DTWD2: variants seen among roughly 807,000 people sequenced by gnomAD.
DTWD2 encodes the protein tRNA-uridine aminocarboxypropyltransferase 2.
Under a neutral mutation model 31.8 loss-of-function variants are expected in DTWD2, and 39 were observed. That is an observed-to-expected ratio of 1.22 (90% CI 0.95 to 1.60). The LOEUF (loss-of-function observed/expected upper bound fraction) is 1.60. Ranked by LOEUF, DTWD2 falls within the 40% of genes most tolerant of loss-of-function variation. DTWD2 has a pLI of 0.00. For missense variants in DTWD2, 515 were observed against 381.5 expected (o/e 1.35, Z -2.92); for synonymous variants, 180 against 142.8 (o/e 1.26, Z -1.86).
At chr5:118,985,507 TATATATATATAC>T (rs1192544415) in intron 1 of DTWD2, among the ~76,000 whole-genome samples, 3 of 122,354 alleles carry the variant, frequency 2.5e-5, no homozygotes, top group Non-Finnish European at 3.4e-5. Flanking sequence ...TATATATATA[TATATATATATAC>T]ACACACATAT....
At chr5:118,968,246 C>T (rs1322157632) in intron 1 of DTWD2, among the ~76,000 whole-genome samples, 2 of 150,212 alleles carry the variant, frequency 1.3e-5, no homozygotes, top group South Asian at 4.2e-4. Flanking sequence ...CTAGAGAGGA[C>T]TAACAAGACA....
chr5:118,884,867 G>A (rs533499897), intron 4 of DTWD2, among the ~76,000 whole-genome samples: 1 of 151,654 alleles, frequency 6.6e-6, no homozygotes, highest in Non-Finnish European at 1.5e-5. Flanking sequence ...TTAGCCGGGC[G>A]TGGTGGCAGT....
intron 4 of DTWD2, among the ~76,000 whole-genome samples, chr5:118,863,147 C>A (rs1189968712): frequency 6.6e-6 from 1 of 152,052 alleles, no homozygotes; most frequent in Non-Finnish European, 1.5e-5. Flanking sequence ...GTGGACACTG[C>A]GTTACGTTTT....
At chr5:118,890,562 C>CT (rs973397760) in intron 4 of DTWD2, among the ~76,000 whole-genome samples, 16,371 of 71,396 alleles carry the variant, frequency 0.23, 4,566 homozygotes, top group East Asian at 0.27. Context: ...TTAGGTTTTC[C>CT]TTTTTTTTTT....
intron 1 of DTWD2, among the ~76,000 whole-genome samples, chr5:118,951,512 G>T (rs897169263): frequency 1.3e-5 from 2 of 152,166 alleles, no homozygotes; most frequent in Non-Finnish European, 2.9e-5. Flanking sequence ...TTTACGAGAA[G>T]AATTATCTAG....
At chr5:118,915,491 C>T (rs1482542310) in intron 4 of DTWD2, among the ~76,000 whole-genome samples, 2 of 151,852 alleles carry the variant, frequency 1.3e-5, no homozygotes, top group Admixed American at 6.6e-5. Context: ...TCTCCTGCCT[C>T]AGCCTCCCTA....
intron 4 of DTWD2, among the ~76,000 whole-genome samples, chr5:118,875,579 A>G (rs1006489936): frequency 3.3e-5 from 5 of 151,338 alleles, no homozygotes; most frequent in Non-Finnish European, 7.4e-5. Context: ...AAAAAAAAAA[A>G]AAAAAAGACT....
chr5:118,973,546 TAAA>T (rs1755041455), intron 1 of DTWD2, among the ~76,000 whole-genome samples: 5 of 151,832 alleles, frequency 3.3e-5, no homozygotes. Flanking sequence ...AATTCTAGGT[TAAA>T]AATTCTTTTA....
chr5:118,983,090 T>A (rs1309748171), intron 1 of DTWD2, among the ~76,000 whole-genome samples: 1 of 152,160 alleles, frequency 6.6e-6, no homozygotes, highest in East Asian at 1.9e-4. Context: ...CCCACCAAAT[T>A]TGAAGACTGA....
At chr5:118,858,284 A>G (rs1446548149) in intron 4 of DTWD2, among the ~76,000 whole-genome samples, 6 of 152,192 alleles carry the variant, frequency 3.9e-5, no homozygotes, top group Admixed American at 2.0e-4. Context: ...AAGGTACTCA[A>G]TGGAATTTAA....
chr5:118,851,012 C>A (rs1027732718), intron 4 of DTWD2, among the ~76,000 whole-genome samples: 6 of 152,014 alleles, frequency 3.9e-5, no homozygotes, highest in African/African-American at 1.4e-4. Flanking sequence ...TTTCGGAGGC[C>A]GAGGTGGGTG....
intron 4 of DTWD2, among the ~76,000 whole-genome samples, chr5:118,858,486 A>C (rs1311999260): frequency 6.6e-6 from 1 of 152,210 alleles, no homozygotes; most frequent in East Asian, 1.9e-4. Flanking sequence ...CATGTGAGTT[A>C]GAGGTTCTTC....
intron 4 of DTWD2, among the ~76,000 whole-genome samples, chr5:118,902,301 T>C (rs549685548): frequency 2.0e-5 from 3 of 152,192 alleles, no homozygotes; most frequent in East Asian, 1.9e-4. Flanking sequence ...ACTCAATAAA[T>C]ATGTATAGAA....
intron 1 of DTWD2, among the ~76,000 whole-genome samples, chr5:118,971,692 A>C (rs1185060804): frequency 6.6e-6 from 1 of 152,172 alleles, no homozygotes; most frequent in Non-Finnish European, 1.5e-5. Flanking sequence ...TTTCTCCTAG[A>C]CACATGGCAC....
intron 4 of DTWD2, among the ~76,000 whole-genome samples, chr5:118,850,394 C>G (rs528535316): frequency 1.5e-5 from 2 of 130,528 alleles, no homozygotes; most frequent in South Asian, 5.3e-4. Context: ...AGGAGAATCA[C>G]TTGAGCTCTG....
rs897335223 is a variant in DTWD2, at chr5:118,988,343, C to T, written c.169G>A (p.Glu57Lys). 8 of 1,557,060 alleles carry T rather than the reference C, an allele frequency of 5.1e-6. No homozygotes were observed. The Admixed American group carries it at 5.8e-5, about 11-fold the overall frequency. The change falls in exon 1 of 6, where the codon GAG (glutamate) becomes AAG (lysine). Residue 57 changes from glutamate to lysine, a missense_variant. Transcript: ENST00000510708. The stretch of plus-strand genomic sequence containing the variant: ...CGCTCGGCCGGCTCCACCGGCAGCT[C>T]CCACAGCCCGTCCGCACTGTCGTCG... ...ADDDSADGLW[E>K]LPVEPAERRP...
At chr5:118,853,466 C>T (rs1395568637) in intron 4 of DTWD2, among the ~76,000 whole-genome samples, 1 of 151,942 alleles carries the variant, frequency 6.6e-6, no homozygotes, top group African/African-American at 2.4e-5. Flanking sequence ...CACTGCAGCC[C>T]TATTCATAAT....
At chr5:118,983,459 G>A (rs1036861569) in intron 1 of DTWD2, among the ~76,000 whole-genome samples, 23 of 152,086 alleles carry the variant, frequency 1.5e-4, no homozygotes, top group Admixed American at 2.6e-4. Context: ...TGTGGCTCGT[G>A]CATTCTTCTT....
chr5:118,934,423 A>G (rs1229552439), intron 3 of DTWD2, among the ~76,000 whole-genome samples: 1 of 150,566 alleles, frequency 6.6e-6, no homozygotes, highest in South Asian at 2.1e-4. Context: ...CATGAAAACA[A>G]TAACACAAAA....
Sources: gnomAD v4.1 joint callset for allele counts (sites outside exome capture counted in the v4.1 genomes callset) on GRCh38, gnomAD v4.1.1 for gene constraint, MANE v1.5 for transcripts, NCBI Gene and HGNC (gene_info 2026-07-23, HGNC 2026-07-21) for gene names.